Variants in CDHR2 observed in about 807,000 individuals in gnomAD.
CDHR2 encodes cadherin-related family member 2.
A neutral mutation model predicts 138.6 loss-of-function variants in CDHR2; 104 were observed. That is an observed-to-expected ratio of 0.75 (90% CI 0.64 to 0.88). The LOEUF is 0.88. Ranked by LOEUF, CDHR2 falls within the 40% of genes least tolerant of loss-of-function variation. The pLI is 0.00. For missense variants in CDHR2, 1,624 were observed against 1,727.6 expected (o/e 0.94, Z 1.06); for synonymous variants, 755 against 742.8 (o/e 1.02, Z -0.27).
intron 3 of CDHR2, 101 bp from the exon 4 acceptor site, chr5:176,568,577 A>G: frequency 7.4e-7 from 1 of 1,353,596 alleles, no homozygotes; most frequent in Non-Finnish European, 1.0e-6. Context: ...AAGCCTGTGT[A>G]CAGGGCAGCC....
In CDHR2 at chr5:176,589,082, C is replaced by T. The variant is rs946480691; in HGVS notation, c.2908C>T (p.Arg970Ter). The T allele has an allele frequency of 3.1e-6, 5 of 1,613,972 alleles. No homozygotes were observed. Among genetic ancestry groups the T allele is most frequent in the African/African-American group, 1.3e-5 (1 of 74,906 alleles). Residue 970 changes from arginine (R) to a stop codon, truncating the protein, a stop_gained, in exon 22 of 32, where the codon CGA becomes TGA. Transcript: ENST00000261944. LOFTEE classifies it high-confidence loss of function. ...TGGCGTCATCCTGTTCTCCATCCTC[C>T]GAGTAGACTTCATCTCTAAGGACGG... ...NNGVILFSIL[R>*]VDFISKDGAT...
At chr5:176,585,599 G>A (rs1340028728) in intron 19 of CDHR2, among the ~76,000 whole-genome samples, 1 of 152,224 alleles carries the variant, frequency 6.6e-6, no homozygotes, top group African/African-American at 2.4e-5. Context: ...TACCTAGGCT[G>A]GGCCCAATCC....
intron 31 of CDHR2, among the ~76,000 whole-genome samples, chr5:176,593,628 T>C (rs1758943120): frequency 6.6e-6 from 1 of 152,216 alleles, no homozygotes; most frequent in Non-Finnish European, 1.5e-5. Context: ...GCTGAGGTTC[T>C]GTGTGTGGTG....
At chr5:176,572,130 T>C (rs1758249970) in intron 6 of CDHR2, among the ~76,000 whole-genome samples, 1 of 151,186 alleles carries the variant, frequency 6.6e-6, no homozygotes, top group Admixed American at 6.6e-5. Context: ...ACTCCTGTAA[T>C]ACCAGCACTT....
Position 176,589,190 on chromosome 5 carries a change from C to T in CDHR2, c.3008+8C>T, listed in dbSNP as rs761087994. ...GTTCGCTGGGAGCATTCAGTAACTG[C>T]GGGCGGCCCCGGGAGGGAGGTTGCG... is the stretch of plus-strand genomic sequence containing the variant. On this transcript the variant is annotated splice_region_variant and intron_variant, in intron 22 of 31. Transcript: ENST00000261944. 1.4e-5 allele frequency: 23 copies of T among 1,613,720 alleles called. No homozygotes were observed. The highest frequency in any genetic ancestry group is 4.0e-5 in the African/African-American group (3 of 74,910).
At chr5:176,567,472 A>T (rs1561870403) in intron 3 of CDHR2, among the ~76,000 whole-genome samples, 1 of 151,036 alleles carries the variant, frequency 6.6e-6, no homozygotes, top group Non-Finnish European at 1.5e-5. Flanking sequence ...GCACCACTAC[A>T]CCTGGCTAAT....
At chr5:176,555,824 C>G (rs1030907098) in intron 1 of CDHR2, among the ~76,000 whole-genome samples, 1 of 152,182 alleles carries the variant, frequency 6.6e-6, no homozygotes, top group African/African-American at 2.4e-5. Flanking sequence ...TCGGTTGAAC[C>G]CGGGAGGCAG....
intron 19 of CDHR2, among the ~76,000 whole-genome samples, chr5:176,585,541 C>T (rs1298077159): frequency 6.6e-6 from 1 of 152,196 alleles, no homozygotes; most frequent in East Asian, 1.9e-4. Context: ...ATTTAAACAA[C>T]CAGCTTATAT....
intron 1 of CDHR2, among the ~76,000 whole-genome samples, chr5:176,552,798 A>C (rs958690749): frequency 6.6e-6 from 1 of 152,216 alleles, no homozygotes; most frequent in Non-Finnish European, 1.5e-5. Flanking sequence ...CCTGGGAGGC[A>C]GACAGGGTGG....
intron 6 of CDHR2, among the ~76,000 whole-genome samples, chr5:176,571,934 G>A (rs56657052): frequency 0.24 from 37,067 of 151,720 alleles, 4,815 homozygotes; most frequent in East Asian, 0.47. Context: ...AAATCATATC[G>A]TGAAATTTGA....
chr5:176,562,166 G>A (rs1381272930), intron 1 of CDHR2, among the ~76,000 whole-genome samples: 1 of 152,164 alleles, frequency 6.6e-6, no homozygotes, highest in Non-Finnish European at 1.5e-5. Flanking sequence ...GCAATGGGGA[G>A]CCATCGAAGG....
intron 1 of CDHR2, among the ~76,000 whole-genome samples, chr5:176,555,464 T>A (rs532449172): frequency 1.6e-3 from 242 of 152,298 alleles, no homozygotes; most frequent in African/African-American, 5.6e-3. Context: ...AAGATGAAAT[T>A]CTATGAATCC....
At chr5:176,544,002 G>A (rs1012330811) in intron 1 of CDHR2, among the ~76,000 whole-genome samples, 8 of 152,348 alleles carry the variant, frequency 5.3e-5, no homozygotes, top group African/African-American at 1.9e-4. Context: ...CACCGTCCCC[G>A]CCTCCTGGGC....
Position 176,591,410 on chromosome 5 carries a change from C to A in CDHR2, c.3660C>A (p.Asn1220Lys). ...GTNMYNTERA[N>K]PMLNLPNKDL... ...GACCAGGCTTTCTCTCCAGAGCCAA[C>A]CCCATGCTGAACCTCCCCAACAAAG... The change falls in exon 30 of 32, where the codon AAC becomes AAA. Residue 1220 changes from asparagine to lysine, a missense_variant. Asn to Lys is a moderately conservative substitution (Grantham distance 94, BLOSUM62 0). Around this residue, in one of 3 missense-constraint regions of CDHR2, gnomAD observed 556 missense variants for 565.7 expected, o/e 0.98. Transcript: ENST00000261944. 1 of 1,614,012 alleles carries A rather than the reference C, an allele frequency of 6.2e-7. No homozygotes were observed. Among genetic ancestry groups the A allele is most frequent in the Admixed American group, 1.7e-5 (1 of 60,036 alleles).
Position 176,591,323 on chromosome 5 carries a change from G to A in CDHR2, c.3653G>A (p.Arg1218Gln), listed in dbSNP as rs764089283. The change falls in exon 29 of 32, where the codon CGA becomes CAA. Residue 1218 changes from arginine to glutamine, a missense_variant and splice_region_variant. By Grantham distance (43) the Arg-to-Gln change is conservative. Transcript: ENST00000261944. Reference sequence around the variant, plus strand: ...GGGACTAACATGTACAACACTGAGCGGTGAGCAGGGGTCAAAGGGTAGGTA... The same window carrying A: ...GGGACTAACATGTACAACACTGAGCAGTGAGCAGGGGTCAAAGGGTAGGTA... Reference protein sequence around the residue: ...IPGTNMYNTERANPMLNLPNK... With the variant: ...IPGTNMYNTEQANPMLNLPNK... 55 of 1,612,528 alleles carry A rather than the reference G, an allele frequency of 3.4e-5. 1 individual carries two copies. The highest frequency in any genetic ancestry group is 3.9e-5 in the Non-Finnish European group (46 of 1,178,702).
Position 176,577,505 on chromosome 5 carries a change from G to A in CDHR2, c.1301G>A (p.Arg434Lys), listed in dbSNP as rs865782889. 4 of 1,612,680 alleles carry A rather than the reference G, an allele frequency of 2.5e-6. No individual in the cohort carries two copies. Among genetic ancestry groups the A allele is most frequent in the East Asian group, 2.2e-5 (1 of 44,834 alleles). Residue 434 changes from arginine (R) to lysine (K), a missense_variant, in exon 13 of 32, where the codon AGA (arginine) becomes AAA (lysine). Arg to Lys is a conservative substitution (Grantham distance 26). Around this residue, in one of 3 missense-constraint regions of CDHR2, gnomAD observed 1,061 missense variants for 1,136.6 expected, o/e 0.93. Transcript: ENST00000261944. Reference sequence around the variant, plus strand: ...TCAGCCTCCGTTCAGGTGCTGGTGAGAGTATCCGCGCTGGTGGACTACGAG... The same window carrying A: ...TCAGCCTCCGTTCAGGTGCTGGTGAAAGTATCCGCGCTGGTGGACTACGAG... ...VGSASVQVLV[R>K]VSALVDYERQ...
intron 30 of CDHR2, among the ~76,000 whole-genome samples, chr5:176,592,516 T>C (rs1420195911): frequency 2.3e-5 from 3 of 131,052 alleles, no homozygotes; most frequent in Admixed American, 7.4e-5. Flanking sequence ...ATTATGATGA[T>C]AGTGGTGGTG....
At chr5:176,542,978 G>C (rs1757487478) in intron 1 of CDHR2, among the ~76,000 whole-genome samples, 1 of 152,150 alleles carries the variant, frequency 6.6e-6, no homozygotes, top group South Asian at 2.1e-4. Context: ...GACTCGCCGG[G>C]GGTGGCGGTC....
chr5:176,591,524 T>TG (rs1230447416), intron 30 of CDHR2, 40 bp downstream of exon 30: 1 of 1,475,190 alleles, frequency 6.8e-7, no homozygotes, highest in African/African-American at 1.4e-5. Flanking sequence ...GTGGTGGTGG[T>TG]GGTACAGGTA....
Sources: allele counts gnomAD v4.1 joint callset (sites outside exome capture counted in the v4.1 genomes callset), GRCh38; gene constraint gnomAD v4.1.1; regional missense constraint gnomAD v4.1.1; transcripts MANE v1.5; gene names NCBI Gene and HGNC (gene_info 2026-07-23, HGNC 2026-07-21).